The following PCDH11Y variants were observed in gnomAD, a reference collection of about 807,000 sequenced individuals.
PCDH11Y encodes the protein protocadherin-11 Y-linked.
For missense variants in PCDH11Y, 12 were observed against 224.8 expected, an observed-to-expected ratio of 0.05 and a Z score of 6.05; for synonymous variants, 9 against 83.6, an observed-to-expected ratio of 0.11 and a Z score of 4.87.
intron 4 of PCDH11Y, among the ~76,000 whole-genome samples, chrY:5,588,673 G>A (rs2053457984): frequency 3.0e-5 from 1 of 33,353 alleles, no homozygotes; most frequent in Non-Finnish European, 7.4e-5. Flanking sequence ...CTCATGCCCT[G>A]TAAGGTTTCC....
chrY:5,640,989 A>G, intron 4 of PCDH11Y, among the ~76,000 whole-genome samples: 1 of 29,883 alleles, frequency 3.3e-5, no homozygotes, highest in Non-Finnish European at 8.1e-5. Flanking sequence ...AACTTCCTGC[A>G]GTTTCTTCAT....
At chrY:5,700,154 G>A in intron 4 of PCDH11Y, among the ~76,000 whole-genome samples, 1 of 32,597 alleles carries the variant, frequency 3.1e-5, no homozygotes, top group East Asian at 8.2e-4. Flanking sequence ...CTCCATAGTA[G>A]GATTTTTTAA....
intron 2 of PCDH11Y, among the ~76,000 whole-genome samples, chrY:5,352,747 C>T (rs1332595578): frequency 7.9e-3 from 263 of 33,126 alleles, no homozygotes; most frequent in Non-Finnish European, 0.017. Context: ...AATGTGGAAG[C>T]AATTTGAAAT....
intron 3 of PCDH11Y, among the ~76,000 whole-genome samples, chrY:5,039,794 G>A: frequency 3.0e-5 from 1 of 32,822 alleles, no homozygotes; most frequent in Non-Finnish European, 7.5e-5. Flanking sequence ...AACAATAACC[G>A]CAAATGCATG....
intron 2 of PCDH11Y, among the ~76,000 whole-genome samples, chrY:5,320,065 T>C: frequency 3.0e-5 from 1 of 33,156 alleles, no homozygotes; most frequent in Non-Finnish European, 7.5e-5. Context: ...TTTGCATTTC[T>C]CTCTCATACT....
chrY:5,281,047 A>G, intron 2 of PCDH11Y, among the ~76,000 whole-genome samples: 2 of 32,514 alleles, frequency 6.2e-5, no homozygotes, highest in African/African-American at 2.4e-4. Flanking sequence ...ATTTTCTCCC[A>G]TTCTGTAGGT....
intron 2 of PCDH11Y, among the ~76,000 whole-genome samples, chrY:5,233,166 AG>A (rs2052969864): frequency 9.6e-5 from 3 of 31,136 alleles, no homozygotes; most frequent in African/African-American, 3.8e-4. Flanking sequence ...TTCTTATGAA[AG>A]TTTTTTTTTT....
intron 2 of PCDH11Y, among the ~76,000 whole-genome samples, chrY:5,205,931 G>T (rs2052931842): frequency 3.2e-5 from 1 of 31,257 alleles, no homozygotes; most frequent in Non-Finnish European, 7.6e-5. Flanking sequence ...GCTTGTCCTT[G>T]CCGAAATTGT....
chrY:5,170,700 G>T, intron 2 of PCDH11Y, among the ~76,000 whole-genome samples: 1 of 30,955 alleles, frequency 3.2e-5, no homozygotes, highest in Non-Finnish European at 7.9e-5. Flanking sequence ...GTGTTGGGGG[G>T]GTGCAGCAGT....
At chrY:5,391,890 C>A (rs2053221519) in intron 2 of PCDH11Y, among the ~76,000 whole-genome samples, 1 of 33,324 alleles carries the variant, frequency 3.0e-5, no homozygotes, top group African/African-American at 1.2e-4. Flanking sequence ...GTAATTTAAA[C>A]CTGCACCTGC....
intron 2 of PCDH11Y, among the ~76,000 whole-genome samples, chrY:5,137,680 A>G: frequency 3.0e-5 from 1 of 33,420 alleles, no homozygotes; most frequent in Non-Finnish European, 7.4e-5. Flanking sequence ...AAAAAGGGAC[A>G]TCATATAATG....
intron 2 of PCDH11Y, among the ~76,000 whole-genome samples, chrY:5,262,743 G>A: frequency 3.1e-5 from 1 of 32,778 alleles, no homozygotes; most frequent in African/African-American, 1.2e-4. Flanking sequence ...GCGGGCTGAA[G>A]AAATTTGCAC....
intron 4 of PCDH11Y, among the ~76,000 whole-genome samples, chrY:5,614,993 CA>C (rs2053491763): frequency 3.1e-5 from 1 of 32,022 alleles, no homozygotes; most frequent in Non-Finnish European, 7.5e-5. Flanking sequence ...GAGGAAGATG[CA>C]AACGCGGAAA....
At chrY:5,666,196 C>A in intron 4 of PCDH11Y, among the ~76,000 whole-genome samples, 1 of 33,087 alleles carries the variant, frequency 3.0e-5, no homozygotes, top group Non-Finnish European at 7.4e-5. Context: ...AGCACAGTAT[C>A]TTATTGACCT....
chrY:5,622,578 C>A (rs2053501334), intron 4 of PCDH11Y, among the ~76,000 whole-genome samples: 1 of 31,206 alleles, frequency 3.2e-5, no homozygotes, highest in Non-Finnish European at 7.6e-5. Context: ...AAATATAAAT[C>A]ATTCTATTAT....
intron 1 of PCDH11Y, among the ~76,000 whole-genome samples, chrY:5,000,911 T>C: frequency 3.0e-5 from 1 of 33,514 alleles, no homozygotes; most frequent in Non-Finnish European, 7.4e-5. Context: ...CGACATTGGC[T>C]GTGCAAAAAG....
intron 3 of PCDH11Y, chrY:5,574,470 C>T: frequency 4.5e-6 from 1 of 220,528 alleles, no homozygotes; most frequent in Non-Finnish European, 7.4e-6. Context: ...AGCAGGAGGC[C>T]AATAAAAAGT....
chrY:5,522,941 C>A (rs2124690504), intron 3 of PCDH11Y, among the ~76,000 whole-genome samples: 1 of 33,769 alleles, frequency 3.0e-5, no homozygotes, highest in South Asian at 6.4e-4. Flanking sequence ...CAATTTCAAA[C>A]CTTGTGGTTT....
chrY:5,545,703 A>C, intron 3 of PCDH11Y, among the ~76,000 whole-genome samples: 1 of 32,493 alleles, frequency 3.1e-5, no homozygotes, highest in Non-Finnish European at 7.7e-5. Context: ...AGTTGAGTAA[A>C]TACTTGTAGT....
Sources: allele counts gnomAD v4.1 joint callset (sites outside exome capture counted in the v4.1 genomes callset), GRCh38; gene constraint gnomAD v4.1.1; transcripts MANE v1.5; gene names NCBI Gene and HGNC (gene_info 2026-07-23, HGNC 2026-07-21).